The following SGSM1 variants were observed in gnomAD, a reference collection of about 807,000 sequenced individuals.
SGSM1 encodes RUN and TBC1 domain containing 2.
In SGSM1, 73 loss-of-function variants were observed where a neutral mutation model predicts 133.8. That is an observed-to-expected ratio of 0.55 (90% CI 0.45 to 0.66). The LOEUF is 0.66. Among genes scored for constraint, SGSM1 ranks in the 30% least tolerant of loss-of-function variants. The pLI is 0.00. For synonymous variants in SGSM1, 563 were observed against 573.0 expected (o/e 0.98, Z 0.25); for missense variants, 1,213 against 1,448.1 (o/e 0.84, Z 2.64).
chr22:24,918,364 C>T (rs1166234270), intron 23 of SGSM1, among the ~76,000 whole-genome samples: 1 of 151,854 alleles, frequency 6.6e-6, no homozygotes, highest in Non-Finnish European at 1.5e-5. Context: ...GGCATGGTGG[C>T]ACATGCCTAT....
At chr22:24,895,537 C>T (rs991233667) in intron 18 of SGSM1, among the ~76,000 whole-genome samples, 9 of 152,218 alleles carry the variant, frequency 5.9e-5, no homozygotes, top group Admixed American at 1.3e-4. Context: ...TCCTTAATCT[C>T]TGCCTGCCCT....
intron 4 of SGSM1, among the ~76,000 whole-genome samples, 155 bp from the exon 5 acceptor site, chr22:24,850,125 C>T (rs2147843831): frequency 6.6e-6 from 1 of 152,294 alleles, no homozygotes; most frequent in East Asian, 1.9e-4. Flanking sequence ...ATTTTTTCAA[C>T]TCCTGACCAG....
At position 24,841,032 on chromosome 22, in the gene SGSM1, A is replaced by G. The variant is rs551476210; in HGVS notation, c.64-3865A>G. 4.6e-3 allele frequency among the ~76,000 whole-genome samples: 695 copies of G among 152,014 alleles called. 2 individuals are homozygous for G. The highest frequency in any genetic ancestry group is 0.027 in the South Asian group (129 of 4,808). On this transcript the variant is annotated intron_variant, in intron 2 of 24. Coordinates refer to ENST00000400358, the MANE Select transcript of SGSM1 (RefSeq NM_001098497.3). ...CGCCCGGCTAATTTTTTGTATTTTTAGTAGAGACGGGGTTTCACCGTGTTA... is the reference window on the plus strand; with the variant it reads ...CGCCCGGCTAATTTTTTGTATTTTTGGTAGAGACGGGGTTTCACCGTGTTA...
chr22:24,869,537 A>T (rs1276302921), intron 12 of SGSM1, among the ~76,000 whole-genome samples: 2 of 152,222 alleles, frequency 1.3e-5, no homozygotes, highest in Admixed American at 1.3e-4. Flanking sequence ...AATGCAAATT[A>T]AAATACTTTT....
chr22:24,826,513 G>A (rs549700501), intron 2 of SGSM1, among the ~76,000 whole-genome samples: 9 of 152,332 alleles, frequency 5.9e-5, no homozygotes, highest in Admixed American at 3.3e-4. Context: ...AATGTAGTCC[G>A]ATTATCGTCA....
intron 23 of SGSM1, 57 bp from the exon 24 acceptor site, chr22:24,919,769 G>T: frequency 6.2e-7 from 1 of 1,603,168 alleles, no homozygotes; most frequent in Non-Finnish European, 8.5e-7. Context: ...CCAAGGCAGG[G>T]CAACACTGTG....
chr22:24,859,737 C>T lies in SGSM1; in HGVS notation c.823C>T (p.Pro275Ser). 6.2e-7 allele frequency: 1 copy of T among 1,613,896 alleles called. No individual in the cohort carries two copies. Among genetic ancestry groups the T allele is most frequent in the Non-Finnish European group, 8.5e-7 (1 of 1,179,866 alleles). Residue 275 changes from proline (P) to serine (S), a missense_variant, in exon 9 of 25, where the codon CCA (proline) becomes TCA (serine). By Grantham distance (74) the Pro-to-Ser change is moderately conservative. Transcript: ENST00000400358. Reference sequence around the variant, plus strand: ...GCAGAGGGACGACATGGAGGCTGTGCCAGGGTACCTGTCCCTGCACCAGAC... The same window carrying T: ...GCAGAGGGACGACATGGAGGCTGTGTCAGGGTACCTGTCCCTGCACCAGAC... ...VQPRDDMEAVPGYLSLHQTAD... is the reference protein window; with the variant it reads ...VQPRDDMEAVSGYLSLHQTAD...
At chr22:24,913,592 G>C (rs1933713162) in intron 22 of SGSM1, among the ~76,000 whole-genome samples, 1 of 152,236 alleles carries the variant, frequency 6.6e-6, no homozygotes, top group South Asian at 2.1e-4. Flanking sequence ...CACACTAGCA[G>C]TGGGGCTACA....
At position 24,806,246 on chromosome 22, in the gene SGSM1, C is replaced by T. The variant is rs547437074; in HGVS notation, c.-80C>T. The T allele has an allele frequency of 3.5e-5, 46 of 1,332,002 alleles. No homozygotes were observed. The African/African-American group carries it at 6.6e-4, about 19-fold the overall frequency. 82.5% of individuals were successfully genotyped at this position (1,332,002 alleles called of 1,614,324 possible). Reference sequence around the variant, plus strand: ...CGGCCCCGCCCCGCCGCGGCTGCAGCAGCAGCGCCGCGGCCGGAGGAGCTA... The same window carrying T: ...CGGCCCCGCCCCGCCGCGGCTGCAGTAGCAGCGCCGCGGCCGGAGGAGCTA... On this transcript the variant is annotated 5_prime_UTR_variant, in exon 1 of 25. Transcript: ENST00000400358.
chr22:24,834,993 A>T (rs1310912265), intron 2 of SGSM1, among the ~76,000 whole-genome samples: 1 of 151,924 alleles, frequency 6.6e-6, no homozygotes, highest in South Asian at 2.1e-4. Flanking sequence ...ACTGCGACTC[A>T]CTCAAGACAT....
intron 9 of SGSM1, among the ~76,000 whole-genome samples, chr22:24,860,920 AAAATATAT>A (rs1353306576): frequency 7.9e-5 from 5 of 63,426 alleles, no homozygotes; most frequent in African/African-American, 2.9e-4. Context: ...AAAAAAAAAA[AAAATATAT>A]ATATATATAT....
chr22:24,886,251 A>G (rs943746479), intron 15 of SGSM1, among the ~76,000 whole-genome samples: 1 of 151,078 alleles, frequency 6.6e-6, no homozygotes, highest in Admixed American at 6.6e-5. Context: ...AAATACAAAA[A>G]TTAGCTGGAT....
At chr22:24,887,271 G>A (rs1337472668) in intron 16 of SGSM1, among the ~76,000 whole-genome samples, 1 of 151,872 alleles carries the variant, frequency 6.6e-6, no homozygotes. Flanking sequence ...CCACACCCTG[G>A]CCCTAATTCC....
chr22:24,883,455 C>A (rs151306794), intron 14 of SGSM1, among the ~76,000 whole-genome samples: 1 of 152,172 alleles, frequency 6.6e-6, no homozygotes, highest in Non-Finnish European at 1.5e-5. Flanking sequence ...CTTTCTACCC[C>A]CTTCTCTGCC....
chr22:24,841,057 A>G (rs372422699), intron 2 of SGSM1, among the ~76,000 whole-genome samples: 2,895 of 151,858 alleles, frequency 0.019, 86 homozygotes, highest in African/African-American at 0.059. Flanking sequence ...TCACCGTGTT[A>G]GCCAAGATGG....
chr22:24,807,915 C>G (rs368720), intron 2 of SGSM1, among the ~76,000 whole-genome samples: 164 of 125,202 alleles, frequency 1.3e-3, no homozygotes, highest in African/African-American at 5.0e-3. Context: ...GTGTGTGTCT[C>G]TGTGTGTGGC....
chr22:24,859,043 G>A (rs1308958795), intron 8 of SGSM1, among the ~76,000 whole-genome samples: 1 of 152,184 alleles, frequency 6.6e-6, no homozygotes, highest in Non-Finnish European at 1.5e-5. Context: ...CTCCTCCCTT[G>A]GGGTTATAGG....
intron 2 of SGSM1, among the ~76,000 whole-genome samples, chr22:24,819,865 G>T (rs1394181784): frequency 6.6e-6 from 1 of 152,130 alleles, no homozygotes; most frequent in Non-Finnish European, 1.5e-5. Context: ...GCAATAATTT[G>T]GGAATTTCCT....
At chr22:24,908,887 A>T (rs1933512185) in intron 21 of SGSM1, among the ~76,000 whole-genome samples, 1 of 152,206 alleles carries the variant, frequency 6.6e-6, no homozygotes. Flanking sequence ...GAAGATATGC[A>T]AATGGCTAAT....
Sources: gnomAD v4.1 joint callset for allele counts (sites outside exome capture counted in the v4.1 genomes callset) on GRCh38, gnomAD v4.1.1 for gene constraint, MANE v1.5 for transcripts, NCBI Gene and HGNC (gene_info 2026-07-23, HGNC 2026-07-21) for gene names.